CERS3: variants seen among roughly 807,000 people sequenced by gnomAD.
The protein encoded by CERS3 is LAG1 homolog, ceramide synthase 3.
Under a neutral mutation model 50.3 loss-of-function variants are expected in CERS3, and 33 were observed. The ratio of observed to expected loss-of-function variants is 0.66; its 90% CI spans 0.50 to 0.88. The LOEUF (loss-of-function observed/expected upper bound fraction) is 0.88, where lower values mean the gene tolerates loss of function less well. Among genes scored for constraint, CERS3 ranks in the 40% least tolerant of loss-of-function variants. CERS3 has a pLI of 0.00. For synonymous variants in CERS3, 176 were observed against 155.2 expected, an observed-to-expected ratio of 1.13 and a Z score of -0.99; for missense variants, 470 against 460.3, an observed-to-expected ratio of 1.02 and a Z score of -0.19.
intron 11 of CERS3, among the ~76,000 whole-genome samples, chr15:100,453,002 TAA>T (rs146747265): frequency 0.025 from 3,818 of 151,876 alleles, 77 homozygotes; most frequent in Admixed American, 0.077. Context: ...GGATCAGTAA[TAA>T]AAAGTCTTTC....
At chr15:100,404,730 A>C (rs1294988832) in intron 11 of CERS3, among the ~76,000 whole-genome samples, 1 of 152,236 alleles carries the variant, frequency 6.6e-6, no homozygotes, top group Non-Finnish European at 1.5e-5. Flanking sequence ...GACTTATATA[A>C]AGTTACAGTA....
intron 3 of CERS3, among the ~76,000 whole-genome samples, chr15:100,493,879 T>A (rs2035726140): frequency 6.6e-6 from 1 of 152,090 alleles, no homozygotes; most frequent in Non-Finnish European, 1.5e-5. Flanking sequence ...ATGTTCTTGA[T>A]TTGGTGAGAC....
At chr15:100,512,285 T>G (rs1446772998) in intron 2 of CERS3, among the ~76,000 whole-genome samples, 1 of 152,210 alleles carries the variant, frequency 6.6e-6, no homozygotes, top group East Asian at 1.9e-4. Context: ...CAGGAAGCTT[T>G]GTCAGAAGAG....
chr15:100,434,420 T>C (rs2033294731), intron 11 of CERS3, among the ~76,000 whole-genome samples: 1 of 152,220 alleles, frequency 6.6e-6, no homozygotes, highest in Non-Finnish European at 1.5e-5. Context: ...GATCAAGCCA[T>C]CTGCATCATA....
intron 10 of CERS3, among the ~76,000 whole-genome samples, chr15:100,464,168 T>C (rs928161460): frequency 6.6e-6 from 1 of 152,174 alleles, no homozygotes; most frequent in Admixed American, 6.6e-5. Context: ...GGAGAAACCT[T>C]ACAAGCATAT....
At chr15:100,509,305 A>T (rs1351439096) in intron 2 of CERS3, among the ~76,000 whole-genome samples, 1 of 152,230 alleles carries the variant, frequency 6.6e-6, no homozygotes, top group Non-Finnish European at 1.5e-5. Context: ...GTAAAGTATT[A>T]AAAAATATGA....
chr15:100,466,853 C>CTCTGTCTT (rs1555528101), intron 10 of CERS3, among the ~76,000 whole-genome samples: 1 of 104,606 alleles, frequency 9.6e-6, no homozygotes, highest in Non-Finnish European at 2.1e-5. Context: ...CTCTCTTTCT[C>CTCTGTCTT]TCTTTCTTTC....
Position 100,447,481 on chromosome 15 carries a change from A to G in CERS3, c.999+8412T>C, listed in dbSNP as rs1402736474. 2.0e-5 allele frequency among the ~76,000 whole-genome samples: 3 copies of G among 152,180 alleles called. No homozygotes were observed. In the South Asian group the frequency reaches 6.2e-4, roughly 31 times the overall value. The stretch of plus-strand genomic sequence containing the variant: ...GTTGTAGTCCAACCACCTTGGGCAC[A>G]TGTTCTCAGGATCTCCTGCGGCTGT... On this transcript the variant is annotated intron_variant, in intron 11 of 11. Coordinates refer to ENST00000679737, the MANE Select transcript of CERS3 (RefSeq NM_001378789.1).
At chr15:100,493,834 C>A (rs1317060102) in intron 3 of CERS3, among the ~76,000 whole-genome samples, 1 of 151,922 alleles carries the variant, frequency 6.6e-6, no homozygotes, top group East Asian at 1.9e-4. Flanking sequence ...CTATTTGGTT[C>A]TTTGTTATAA....
chr15:100,456,479 C>G (rs2034375836), intron 10 of CERS3, among the ~76,000 whole-genome samples: 1 of 152,192 alleles, frequency 6.6e-6, no homozygotes, highest in Non-Finnish European at 1.5e-5. Context: ...ATAGAGAATT[C>G]TACAAAAGTA....
intron 11 of CERS3, among the ~76,000 whole-genome samples, chr15:100,409,528 C>T (rs2031312351): frequency 6.6e-6 from 1 of 152,136 alleles, no homozygotes; most frequent in Admixed American, 6.6e-5. Context: ...TAAAACACTT[C>T]ATAGAAATTA....
At chr15:100,432,959 G>A (rs571331689) in intron 11 of CERS3, among the ~76,000 whole-genome samples, 5 of 152,228 alleles carry the variant, frequency 3.3e-5, no homozygotes, top group East Asian at 3.9e-4. Context: ...AGTTCAGGCC[G>A]GGTGCAGTGG....
chr15:100,486,345 C>T (rs1438131968), intron 4 of CERS3, among the ~76,000 whole-genome samples: 1 of 152,180 alleles, frequency 6.6e-6, no homozygotes, highest in African/African-American at 2.4e-5. Flanking sequence ...ACAGAAGATC[C>T]AGTTCTGCTA....
chr15:100,515,444 G>T lies in CERS3; in HGVS notation c.-2+6223C>A, dbSNP rs142231960. ...CTCACCAAAATGGAATTCTCCCAAG[G>T]CCCCTTCACCTTAATCCGCTTGGGC... On this transcript the variant is annotated intron_variant, in intron 2 of 11. Coordinates refer to ENST00000679737, the MANE Select transcript of CERS3 (RefSeq NM_001378789.1). Among the ~76,000 whole-genome samples the T allele has an allele frequency of 1.3e-3, 204 of 152,220 alleles. 2 individuals carry two copies. Among genetic ancestry groups the T allele is most frequent in the African/African-American group, 4.0e-3 (166 of 41,526 alleles).
intron 10 of CERS3, among the ~76,000 whole-genome samples, chr15:100,468,074 G>A (rs2142232998): frequency 6.6e-6 from 1 of 151,688 alleles, no homozygotes; most frequent in South Asian, 2.1e-4. Context: ...TAAAAGTGAT[G>A]GTAATGATTT....
chr15:100,492,294 G>T (rs1301031901), intron 3 of CERS3, among the ~76,000 whole-genome samples: 1 of 152,158 alleles, frequency 6.6e-6, no homozygotes, highest in African/African-American at 2.4e-5. Context: ...ATTATTGAAA[G>T]TGAGTATTGA....
chr15:100,529,191 CT>C (rs1188208525), upstream of CERS3: 3 of 152,188 alleles, frequency 2.0e-5, no homozygotes, highest in Non-Finnish European at 2.9e-5. Context: ...ACAGGATGAT[CT>C]TGCTGTTTGT....
chr15:100,509,988 G>C (rs1168227283), intron 2 of CERS3, among the ~76,000 whole-genome samples: 4 of 146,924 alleles, frequency 2.7e-5, no homozygotes, highest in Admixed American at 1.4e-4. Context: ...ACATTAGTCT[G>C]TTTGTGCTTT....
intron 1 of CERS3, among the ~76,000 whole-genome samples, chr15:100,539,509 G>A (rs1437140399): frequency 1.3e-5 from 2 of 152,182 alleles, no homozygotes; most frequent in Non-Finnish European, 2.9e-5. Flanking sequence ...AGGAAGCAAG[G>A]CACTTTCTTC....
Sources: gnomAD v4.1 joint callset for allele counts (sites outside exome capture counted in the v4.1 genomes callset) on GRCh38, gnomAD v4.1.1 for gene constraint, MANE v1.5 for transcripts, NCBI Gene and HGNC (gene_info 2026-07-23, HGNC 2026-07-21) for gene names.